Variants in UGT1A5 observed in about 807,000 individuals in gnomAD.
The protein encoded by UGT1A5 is UDP-glucuronosyltransferase 1A5.
Under a neutral mutation model 40.3 loss-of-function variants are expected in UGT1A5, and 29 were observed. That is an observed-to-expected ratio of 0.72 (90% CI 0.54 to 0.98). The LOEUF is 0.98. Among genes scored for constraint, UGT1A5 ranks in the 50% least tolerant of loss-of-function variants. The pLI, the probability that UGT1A5 is intolerant of heterozygous loss-of-function variation, is 0.00. For synonymous variants in UGT1A5, 257 were observed against 262.5 expected (o/e 0.98, Z 0.20); for missense variants, 678 against 677.9 (o/e 1.00, Z 0.00).
At chr2:233,747,772 G>T in intron 1 of UGT1A5, 1 of 1,613,482 alleles carries the variant, frequency 6.2e-7, no homozygotes, top group Non-Finnish European at 8.5e-7. Flanking sequence ...GGCACACAGT[G>T]TCCAAATCCT....
intron 1 of UGT1A5, among the ~76,000 whole-genome samples, chr2:233,726,860 T>G (rs1392432205): frequency 6.6e-6 from 1 of 152,244 alleles, no homozygotes; most frequent in East Asian, 1.9e-4. Context: ...CTCCATAGTC[T>G]TCTATTCTCC....
At position 233,772,691 on chromosome 2, in the gene UGT1A5, T is replaced by G. The variant is rs1314986383; in HGVS notation, c.*132T>G. ...TTGCATAAATTAATCAGCCCCAGAG[T>G]GCTTTAAAAAATTCTCTTAAATAAA... On this transcript the variant is annotated 3_prime_UTR_variant, in exon 5 of 5. Transcript: ENST00000373414. 1 of 1,488,486 alleles carries G rather than the reference T, an allele frequency of 6.7e-7. No individual in the cohort carries two copies. Among genetic ancestry groups the G allele is most frequent in the African/African-American group, 1.4e-5 (1 of 70,486 alleles). The allele number at this position is 1,488,486 out of a possible 1,614,324, so 92.2% of individuals were successfully genotyped here. A position where few individuals can be genotyped will look rare whatever the true frequency, so the allele number is the denominator to read the frequency against.
At chr2:233,731,691 A>C (rs2078192631) in intron 1 of UGT1A5, among the ~76,000 whole-genome samples, 1 of 152,178 alleles carries the variant, frequency 6.6e-6, no homozygotes, top group Non-Finnish European at 1.5e-5. Flanking sequence ...TCATTGATGG[A>C]CATTTGGATT....
Position 233,772,748 on chromosome 2 carries a change from T to C in UGT1A5, c.*189T>C. 7.0e-7 allele frequency: 1 copy of C among 1,420,206 alleles called. No individual in the cohort carries two copies. The highest frequency in any genetic ancestry group is 9.2e-7 in the Non-Finnish European group (1 of 1,083,550). The allele number at this position is 1,420,206 out of a possible 1,614,324, so 88.0% of individuals were successfully genotyped here. A position where few individuals can be genotyped will look rare whatever the true frequency, so the allele number is the denominator to read the frequency against. ...AGACTCGCTAGTCAGTAAAGATATT[T>C]GAATATGTATCGTGCCCCCTCTGGT... On this transcript the variant is annotated 3_prime_UTR_variant, in exon 5 of 5. Transcript: ENST00000373414.
At chr2:233,771,806 T>C (rs1391342428) in intron 4 of UGT1A5, among the ~76,000 whole-genome samples, 2 of 140,682 alleles carry the variant, frequency 1.4e-5, no homozygotes, top group South Asian at 5.4e-4. Flanking sequence ...CTCCCTCCCT[T>C]CCTCCTTTCC....
rs758873309 is a variant in UGT1A5 at position 233,767,044 on chromosome 2, C to G, written c.878C>G (p.Ala293Gly). The G allele has an allele frequency of 6.2e-7, 1 of 1,613,874 alleles. No homozygotes were observed. Among genetic ancestry groups the G allele is most frequent in the African/African-American group, 1.3e-5 (1 of 74,880 alleles). ...NGKPLSQEFE[A>G]YINASGEHGI... is the part of the protein sequence containing the mutation. ...TTCTTCTGGCTCTAGGAATTTGAAG[C>G]CTACATTAATGCTTCTGGAGAACAT... The change falls in exon 2 of 5, where the codon GCC becomes GGC. Residue 293 changes from alanine to glycine, a missense_variant. Ala to Gly is a moderately conservative substitution (Grantham distance 60). Coordinates refer to ENST00000373414, the MANE Select transcript of UGT1A5 (RefSeq NM_019078.2).
At position 233,773,226 on chromosome 2, in the gene UGT1A5, A is replaced by C. The variant is rs989910459; in HGVS notation, c.*667A>C. 2 of 152,382 alleles carry C rather than the reference A, an allele frequency of 1.3e-5. No homozygotes were observed. Among genetic ancestry groups the C allele is most frequent in the Non-Finnish European group, 2.9e-5 (2 of 68,036 alleles). 9.4% of individuals were successfully genotyped at this position (152,382 alleles called of 1,614,324 possible). ...ATAAAAACCCAAAATACAGCTATGA[A>C]GTGCTGGGCAAGTTTACTTTTTTTC... On this transcript the variant is annotated 3_prime_UTR_variant, in exon 5 of 5. Coordinates refer to ENST00000373414, the MANE Select transcript of UGT1A5 (RefSeq NM_019078.2).
chr2:233,743,985 AGG>A, intron 1 of UGT1A5: 1 of 1,283,222 alleles, frequency 7.8e-7, no homozygotes, highest in South Asian at 1.3e-5. Context: ...ACCCAGGCGC[AGG>A]CCCGAGTGCT....
intron 1 of UGT1A5, among the ~76,000 whole-genome samples, chr2:233,714,632 T>C (rs994949094): frequency 2.6e-5 from 4 of 152,224 alleles, no homozygotes; most frequent in African/African-American, 7.2e-5. Context: ...ACCACTAAAA[T>C]TAATGTGAAT....
intron 1 of UGT1A5, chr2:233,718,753 G>A: frequency 6.2e-7 from 1 of 1,612,362 alleles, no homozygotes; most frequent in Non-Finnish European, 8.5e-7. Flanking sequence ...AGGTAATTAA[G>A]GCGAAGGAAA....
intron 1 of UGT1A5, among the ~76,000 whole-genome samples, chr2:233,719,887 G>C (rs2076812718): frequency 6.6e-6 from 1 of 152,130 alleles, no homozygotes; most frequent in Non-Finnish European, 1.5e-5. Flanking sequence ...CACGGATGAG[G>C]GTCTGTCAGA....
In UGT1A5 at chr2:233,766,945, A is replaced by G. The variant is rs1284295869; in HGVS notation, c.868-89A>G. 3.1e-6 allele frequency: 5 copies of G among 1,597,954 alleles called. No homozygotes were observed. In the East Asian group the frequency reaches 1.1e-4, roughly 36 times the overall value. ...ACGCATGCCTTTAATCATAGTCTTA[A>G]GAGGAAGATATCTAATTCATAACTT... On this transcript the variant is annotated intron_variant, in intron 1 of 4. Coordinates refer to ENST00000373414, the MANE Select transcript of UGT1A5 (RefSeq NM_019078.2).
At chr2:233,755,155 T>C (rs921927491) in intron 1 of UGT1A5, 4 of 1,293,388 alleles carry the variant, frequency 3.1e-6, no homozygotes, top group Middle Eastern at 2.2e-4. Flanking sequence ...GCTTCCTCCC[T>C]GTCCTCGGGG....
chr2:233,772,307 C>G lies in UGT1A5; in HGVS notation c.1353C>G (p.Arg451=), dbSNP rs1321809873. The G allele has an allele frequency of 6.2e-7, 1 of 1,614,232 alleles. No homozygotes were observed. The highest frequency in any genetic ancestry group is 1.7e-5 in the Admixed American group (1 of 60,028). Residue 451 remains arginine (R), a synonymous_variant, in exon 5 of 5, where the codon CGC becomes CGG. Coordinates refer to ENST00000373414, the MANE Select transcript of UGT1A5 (RefSeq NM_019078.2). ...IMRLSSLHKD[R]PVEPLDLAVF... ...GCCTCTCCAGCCTTCACAAGGACCGCCCGGTGGAGCCGCTGGACCTGGCCG... is the reference window on the plus strand; with the variant it reads ...GCCTCTCCAGCCTTCACAAGGACCGGCCGGTGGAGCCGCTGGACCTGGCCG...
At chr2:233,733,885 A>AGCTCCTG (rs2078449357) in intron 1 of UGT1A5, among the ~76,000 whole-genome samples, 1 of 152,018 alleles carries the variant, frequency 6.6e-6, no homozygotes, top group Non-Finnish European at 1.5e-5. Flanking sequence ...GAATGGTACC[A>AGCTCCTG]GCTCCTGTTT....
In UGT1A5 at chr2:233,755,028, C is replaced by T; in HGVS notation, c.868-12006C>T. 4 of 1,311,690 alleles carry T rather than the reference C, an allele frequency of 3.0e-6. 1 individual carries two copies. In the South Asian group the frequency reaches 4.6e-5, roughly 15 times the overall value. 81.3% of individuals were successfully genotyped at this position (1,311,690 alleles called of 1,614,324 possible). On this transcript the variant is annotated intron_variant, in intron 1 of 4. Transcript: ENST00000373414. ...CTACTCGAAGGGGTCCTTGAAGGGC[C>T]TGCCGCCTGCGCAGCCGCCCTCCGC...
At position 233,717,136 on chromosome 2, in the gene UGT1A5, T is replaced by A. The variant is rs565667210; in HGVS notation, c.867+3278T>A. Among the ~76,000 whole-genome samples, 275 of 152,170 alleles carry A rather than the reference T, an allele frequency of 1.8e-3. 2 individuals are homozygous for A. The highest frequency in any genetic ancestry group is 1.2e-3 in the Non-Finnish European group (83 of 68,008). On this transcript the variant is annotated intron_variant, in intron 1 of 4. Coordinates refer to ENST00000373414, the MANE Select transcript of UGT1A5 (RefSeq NM_019078.2). Reference sequence around the variant, plus strand: ...CCACTACATGGAAATAGAACACCACTACATGGAAATAGAACATGGGAGCCC... The same window carrying A: ...CCACTACATGGAAATAGAACACCACAACATGGAAATAGAACATGGGAGCCC...
At chr2:233,741,718 G>A (rs530950175) in intron 1 of UGT1A5, 1 of 151,874 alleles carries the variant, frequency 6.6e-6, no homozygotes, top group Non-Finnish European at 1.5e-5. Flanking sequence ...GGGTTCTAGA[G>A]CATATCCAAA....
Position 233,713,658 on chromosome 2 carries a change from C to T in UGT1A5, c.667C>T (p.Leu223Phe), listed in dbSNP as rs376312935. The stretch of plus-strand genomic sequence containing the variant: ...GCTCTACCCTCTGGCCCTGTCCTAC[C>T]TTTGCCATGCTGTTTCTGCTCCTTA... ...NMLYPLALSY[L>F]CHAVSAPYAS... The change falls in exon 1 of 5, where the codon CTT becomes TTT. Residue 223 changes from leucine to phenylalanine, a missense_variant. Leu to Phe is a conservative substitution (Grantham distance 22, BLOSUM62 0). Coordinates refer to ENST00000373414, the MANE Select transcript of UGT1A5 (RefSeq NM_019078.2). 2 of 1,613,954 alleles carry T rather than the reference C, an allele frequency of 1.2e-6. No homozygotes were observed. Among genetic ancestry groups the T allele is most frequent in the Non-Finnish European group, 1.7e-6 (2 of 1,179,862 alleles).
Sources: allele counts gnomAD v4.1 joint callset (sites outside exome capture counted in the v4.1 genomes callset), GRCh38; gene constraint gnomAD v4.1.1; transcripts MANE v1.5; gene names NCBI Gene and HGNC (gene_info 2026-07-23, HGNC 2026-07-21).